Variants in ARSG observed in about 807,000 individuals in gnomAD.
ARSG encodes ASG.
Under a neutral mutation model 50.5 loss-of-function variants are expected in ARSG, and 37 were observed. The ratio of observed to expected loss-of-function variants is 0.73; its 90% CI spans 0.56 to 0.96. ARSG has a LOEUF of 0.96. Ranked by LOEUF, ARSG falls within the 50% of genes least tolerant of loss-of-function variation. The pLI is 0.00. For synonymous variants in ARSG, 225 were observed against 254.6 expected (o/e 0.88, Z 1.11); for missense variants, 629 against 675.3 (o/e 0.93, Z 0.76).
downstream of ARSG, chr17:68,421,618 G>T: frequency 9.9e-7 from 1 of 1,005,526 alleles, no homozygotes; most frequent in Non-Finnish European, 1.5e-6. Context: ...AGCTTGGTGA[G>T]GAGTTAACCA....
At chr17:68,292,969 A>G (rs2076070846) in intron 1 of ARSG, among the ~76,000 whole-genome samples, 1 of 152,140 alleles carries the variant, frequency 6.6e-6, no homozygotes, top group Non-Finnish European at 1.5e-5. Flanking sequence ...AATTTATGGT[A>G]CTTGTAAAGT....
chr17:68,355,444 C>T (rs1363812080), intron 5 of ARSG, among the ~76,000 whole-genome samples: 2 of 152,140 alleles, frequency 1.3e-5, no homozygotes, highest in Admixed American at 6.5e-5. Context: ...CTGCAACCTC[C>T]GCCTCCTAGG....
intron 8 of ARSG, among the ~76,000 whole-genome samples, chr17:68,376,210 A>G (rs938192854): frequency 6.6e-6 from 1 of 151,456 alleles, no homozygotes; most frequent in Non-Finnish European, 1.5e-5. Context: ...CCTGAGCTCA[A>G]GGGATTCCCC....
At chr17:68,282,779 T>TAAAAAAAAAAAAAAGAAA (rs2075734465) in intron 1 of ARSG, among the ~76,000 whole-genome samples, 1 of 53,398 alleles carries the variant, frequency 1.9e-5, no homozygotes, top group Non-Finnish European at 3.3e-5. Context: ...CCATCTCTAC[T>TAAAAAAAAAAAAAAGAAA]AAAAAAAAAA....
chr17:68,451,727 C>T, the ARSG span, among the ~76,000 whole-genome samples: 1 of 152,112 alleles, frequency 6.6e-6, no homozygotes, highest in Admixed American at 6.5e-5. Flanking sequence ...CTCCCCCCAC[C>T]CCCTATCTTG....
rs753990398 is a variant in ARSG, at chr17:68,385,121, C to A, written c.1040C>A (p.Ala347Asp). The change falls in exon 9 of 12, where the codon GCT (alanine) becomes GAT (aspartate). Residue 347 changes from alanine (A) to aspartate (D), a missense_variant. Physicochemically the swap from Ala to Asp is moderately radical, Grantham distance 126 (BLOSUM62 -2). Transcript: ENST00000621439. The part of the protein sequence containing the change: ...WEGGHRVPAL[A>D]YWPGRVPVNV... ...GGAGGGCACCGGGTCCCAGCACTGG[C>A]TTACTGGCCTGGCAGAGTTCCAGTT... 6.2e-7 allele frequency: 1 copy of A among 1,613,968 alleles called. No individual in the cohort carries two copies. The highest frequency in any genetic ancestry group is 1.7e-5 in the Admixed American group (1 of 59,984).
At chr17:68,320,663 T>C (rs1326633187) in intron 2 of ARSG, among the ~76,000 whole-genome samples, 1 of 152,162 alleles carries the variant, frequency 6.6e-6, no homozygotes, top group Non-Finnish European at 1.5e-5. Context: ...GGATTGGACA[T>C]GATCCTGCAA....
chr17:68,391,655 G>A (rs968867281), intron 9 of ARSG, among the ~76,000 whole-genome samples: 6 of 152,136 alleles, frequency 3.9e-5, no homozygotes, highest in African/African-American at 1.2e-4. Context: ...GAGAAAACTC[G>A]AGCAAACAGC....
intron 3 of ARSG, among the ~76,000 whole-genome samples, chr17:68,345,110 G>A (rs1187719094): frequency 1.3e-5 from 2 of 152,112 alleles, no homozygotes; most frequent in Admixed American, 6.5e-5. Flanking sequence ...TCAACACCAA[G>A]ACACCATTTG....
intron 1 of ARSG, among the ~76,000 whole-genome samples, chr17:68,282,015 G>C (rs140503465): frequency 6.6e-6 from 1 of 152,140 alleles, no homozygotes; most frequent in Non-Finnish European, 1.5e-5. Context: ...ATACCCAAAG[G>C]ATTATAAATC....
chr17:68,307,629 A>T lies in ARSG; in HGVS notation c.136A>T (p.Met46Leu). Residue 46 changes from methionine (M) to leucine (L), a missense_variant, in exon 2 of 12, where the codon ATG becomes TTG. Coordinates refer to ENST00000621439, the MANE Select transcript of ARSG (RefSeq NM_001267727.2). ...PNFVIILADD[M>L]GWGDLGANWA... The stretch of plus-strand genomic sequence containing the variant: ...CTTTGTGATTATTTTGGCCGATGAC[A>T]TGGGGTGGGGTGACCTGGGAGCAAA... 2 of 1,613,540 alleles carry T rather than the reference A, an allele frequency of 1.2e-6. No homozygotes were observed. Among genetic ancestry groups the T allele is most frequent in the Non-Finnish European group, 1.7e-6 (2 of 1,179,478 alleles).
At chr17:68,385,730 G>A (rs1043152837) in intron 9 of ARSG, among the ~76,000 whole-genome samples, 4 of 152,180 alleles carry the variant, frequency 2.6e-5, no homozygotes, top group African/African-American at 9.7e-5. Flanking sequence ...GGCAGCAGCA[G>A]CATCTCCCTC....
chr17:68,425,324 G>T (rs565746441), downstream of ARSG, among the ~76,000 whole-genome samples: 2 of 151,794 alleles, frequency 1.3e-5, no homozygotes, highest in African/African-American at 4.8e-5. Context: ...CCATCTCAGC[G>T]TCCCGAATAG....
chr17:68,341,113 C>T (rs1236583110), intron 2 of ARSG, among the ~76,000 whole-genome samples: 1 of 152,068 alleles, frequency 6.6e-6, no homozygotes, highest in African/African-American at 2.4e-5. Flanking sequence ...TTTTGTGGTT[C>T]TCTTTGTCCT....
chr17:68,285,952 G>T (rs1304743792), intron 1 of ARSG, among the ~76,000 whole-genome samples: 3 of 152,042 alleles, frequency 2.0e-5, no homozygotes, highest in South Asian at 2.1e-4. Context: ...GTAGAGACAG[G>T]GTTTCACCAT....
intron 4 of ARSG, among the ~76,000 whole-genome samples, chr17:68,349,791 G>A (rs934293969): frequency 6.6e-6 from 1 of 152,126 alleles, no homozygotes; most frequent in Admixed American, 6.5e-5. Context: ...GCTGAAGCAC[G>A]AGAATCGCTT....
At position 68,271,498 on chromosome 17, in the gene ARSG, T is replaced by G. The variant is rs4410141; in HGVS notation, c.-552+12072T>G. 2 of 1,614,064 alleles carry G rather than the reference T, an allele frequency of 1.2e-6. No homozygotes were observed. The highest frequency in any genetic ancestry group is 2.2e-5 in the East Asian group (1 of 44,888). On this transcript the variant is annotated intron_variant, in intron 1 of 11. Transcript: ENST00000448504. This position sits in a 1 kb window ranked among gnomAD's most constrained non-coding sequence, Gnocchi z 5.3. ...CTCATTTTCAAGCATATACTGCGCT[T>G]CTTTCCGATTTTCCTGGATGACTAT...
chr17:68,403,816 G>A (rs1006094983), intron 11 of ARSG, among the ~76,000 whole-genome samples: 14 of 152,098 alleles, frequency 9.2e-5, no homozygotes, highest in African/African-American at 2.4e-4. Flanking sequence ...CCATTAACTC[G>A]TCATTTACAT....
chr17:68,292,586 T>C lies in ARSG; in HGVS notation c.-552+1018T>C, dbSNP rs74528661. ...GCGCCGGCTGCTGCCTTCATTGGGG[T>C]TCGGAGAATGTGGTTCTGATGTCAG... is the stretch of plus-strand genomic sequence containing the variant. On this transcript the variant is annotated intron_variant, in intron 1 of 11. Coordinates refer to ENST00000621439, the MANE Select transcript of ARSG (RefSeq NM_001267727.2). Among the ~76,000 whole-genome samples the C allele has an allele frequency of 8.9e-3, 1,353 of 152,240 alleles. 15 individuals are homozygous for C. The highest frequency in any genetic ancestry group is 0.03 in the African/African-American group (1,260 of 41,528).
Sources: gnomAD v4.1 joint callset for allele counts (sites outside exome capture counted in the v4.1 genomes callset) on GRCh38, gnomAD v4.1.1 for gene constraint, Gnocchi (gnomAD v3.1) non-coding constraint, MANE v1.5 for transcripts, NCBI Gene and HGNC (gene_info 2026-07-23, HGNC 2026-07-21) for gene names.